Variants in IQCH observed in about 807,000 individuals in gnomAD.
The protein encoded by IQCH is IQ motif containing H.
Under a neutral mutation model 117.0 loss-of-function variants are expected in IQCH, and 98 were observed. That is an observed-to-expected ratio of 0.84 (90% CI 0.71 to 0.99). The LOEUF is 0.99. Ranked by LOEUF, IQCH falls within the 50% of genes least tolerant of loss-of-function variation. The probability of loss-of-function intolerance (pLI) is 0.00; values close to 1 mark genes in which losing one functional copy is unlikely to be tolerated. For missense variants in IQCH, 1,102 were observed against 1,243.8 expected (o/e 0.89, Z 1.72); for synonymous variants, 412 against 448.2 (o/e 0.92, Z 1.02).
In IQCH at chr15:67,391,169, GCA is replaced by G; in HGVS notation, c.1632+2166_1632+2167del. ...AGCCAGGAGACAGGCACTCACAGATGCACATAGTATAGGTTTACATCTTTGTG... is the reference window on the plus strand; with the variant it reads ...AGCCAGGAGACAGGCACTCACAGATGCATAGTATAGGTTTACATCTTTGTG... On this transcript the variant is annotated intron_variant, in intron 12 of 20. Transcript: ENST00000335894. This position sits in a 1 kb window ranked among gnomAD's most constrained non-coding sequence, Gnocchi z 4.3. 6.6e-6 allele frequency among the ~76,000 whole-genome samples: 1 copy of G among 152,286 alleles called. No homozygotes were observed. The highest frequency in any genetic ancestry group is 6.5e-5 in the Admixed American group (1 of 15,306).
chr15:67,314,089 G>A (rs938981771), intron 4 of IQCH, among the ~76,000 whole-genome samples: 8 of 151,964 alleles, frequency 5.3e-5, no homozygotes, highest in Non-Finnish European at 7.4e-5. Context: ...CCTCTCAGTC[G>A]CTCTTACTTT....
At chr15:67,269,755 CTTAT>C (rs1965824743) in intron 3 of IQCH, among the ~76,000 whole-genome samples, 2 of 149,968 alleles carry the variant, frequency 1.3e-5, no homozygotes, top group African/African-American at 4.9e-5. Context: ...TCTTTCTGTA[CTTAT>C]TTCACTCAAC....
At chr15:67,340,578 A>G (rs1969125806) in intron 5 of IQCH, among the ~76,000 whole-genome samples, 1 of 152,064 alleles carries the variant, frequency 6.6e-6, no homozygotes, top group South Asian at 2.1e-4. Flanking sequence ...AGAGAGCAGC[A>G]CTGAAACTAT....
chr15:67,281,182 T>A (rs1393106235), intron 4 of IQCH, among the ~76,000 whole-genome samples: 1 of 152,168 alleles, frequency 6.6e-6, no homozygotes, highest in Non-Finnish European at 1.5e-5. Context: ...TCCCACTAGA[T>A]TATAAGCTTA....
intron 15 of IQCH, among the ~76,000 whole-genome samples, chr15:67,418,069 C>T (rs1228440084): frequency 6.6e-6 from 1 of 152,086 alleles, no homozygotes; most frequent in Non-Finnish European, 1.5e-5. Flanking sequence ...ACCATTATCA[C>T]CCTCATTTTA....
At chr15:67,264,410 A>G (rs1347376909) in intron 3 of IQCH, among the ~76,000 whole-genome samples, 5 of 152,246 alleles carry the variant, frequency 3.3e-5, no homozygotes, top group Admixed American at 6.5e-5. Context: ...AGGCTGCAAT[A>G]TAAGTATTGA....
Position 67,422,985 on chromosome 15 carries a change from A to C in IQCH, c.2505+1408A>C, listed in dbSNP as rs561312059. Among the ~76,000 whole-genome samples the C allele has an allele frequency of 6.6e-6, 1 of 152,326 alleles. No homozygotes were observed. The highest frequency in any genetic ancestry group is 2.4e-5 in the African/African-American group (1 of 41,572). On this transcript the variant is annotated intron_variant, in intron 16 of 20. Coordinates refer to ENST00000335894, the MANE Select transcript of IQCH (RefSeq NM_001031715.3). The surrounding 1 kb of genome is among the most constrained non-coding windows in gnomAD (Gnocchi z 4.7). ...TTAGGATCATTATTCTCAGTTTTAC[A>C]GTTCTCCATTTCAGTCAGATGATGG...
rs896634130 is a variant in IQCH at position 67,500,967 on chromosome 15, G to A, written c.*221G>A. The stretch of plus-strand genomic sequence containing the variant: ...CTTATTTGTGTTTTCATTTGAGAGT[G>A]TTGAACAATCCCTTCTTCTTCTCAA... On this transcript the variant is annotated 3_prime_UTR_variant, in exon 21 of 21. Coordinates refer to ENST00000335894, the MANE Select transcript of IQCH (RefSeq NM_001031715.3). The surrounding 1 kb of genome is among the most constrained non-coding windows in gnomAD (Gnocchi z 4.4). 15 of 315,424 alleles carry A rather than the reference G, an allele frequency of 4.8e-5. No individual in the cohort carries two copies. Among genetic ancestry groups the A allele is most frequent in the African/African-American group, 3.0e-4 (14 of 46,342 alleles). 19.5% of individuals were successfully genotyped at this position (315,424 alleles called of 1,614,324 possible). A position where few individuals can be genotyped will look rare whatever the true frequency, so the allele number is the denominator to read the frequency against.
Position 67,453,827 on chromosome 15 carries a change from G to A in IQCH, c.2506-11300G>A, listed in dbSNP as rs186721837. Among the ~76,000 whole-genome samples the A allele has an allele frequency of 1.4e-3, 214 of 152,336 alleles. 1 individual carries two copies. Among genetic ancestry groups the A allele is most frequent in the African/African-American group, 4.8e-3 (201 of 41,582 alleles). ...TCTGTGCCCTGCCCCCAGAGGTGGC[G>A]CCTACAGAGGCAGGCAGGCCTCCTT... On this transcript the variant is annotated intron_variant, in intron 16 of 20. Transcript: ENST00000335894. This position sits in a 1 kb window ranked among gnomAD's most constrained non-coding sequence, Gnocchi z 5.8.
In IQCH at chr15:67,255,015, C is replaced by T. The variant is rs1043195261; in HGVS notation, c.51+68C>T. On this transcript the variant is annotated intron_variant, in intron 1 of 20. Transcript: ENST00000335894. Reference sequence around the variant, plus strand: ...CCACTTCCGAGCGAGGTCCCGCGCGCCGATTCACCGACGCTCACCCATTTG... The same window carrying T: ...CCACTTCCGAGCGAGGTCCCGCGCGTCGATTCACCGACGCTCACCCATTTG... The T allele has an allele frequency of 5.7e-5, 83 of 1,460,250 alleles. 3 individuals are homozygous for T. The South Asian group carries it at 9.1e-4, about 16-fold the overall frequency. 90.5% of individuals were successfully genotyped at this position (1,460,250 alleles called of 1,614,324 possible).
At chr15:67,313,320 A>G (rs547733866) in intron 4 of IQCH, among the ~76,000 whole-genome samples, 1 of 152,252 alleles carries the variant, frequency 6.6e-6, no homozygotes, top group Non-Finnish European at 1.5e-5. Context: ...CCAAGTTAAC[A>G]TAGGTATACC....
At chr15:67,363,280 G>C (rs1016625765) in intron 8 of IQCH, among the ~76,000 whole-genome samples, 1 of 145,178 alleles carries the variant, frequency 6.9e-6, no homozygotes, top group African/African-American at 2.6e-5. Context: ...CTCTCACCCA[G>C]GTGGGAGTGC....
chr15:67,416,519 A>C lies in IQCH; in HGVS notation c.2098-412A>C, dbSNP rs2081581511. Among the ~76,000 whole-genome samples, 1 of 148,688 alleles carries C rather than the reference A, an allele frequency of 6.7e-6. No homozygotes were observed. Among genetic ancestry groups the C allele is most frequent in the Non-Finnish European group, 1.5e-5 (1 of 67,122 alleles). On this transcript the variant is annotated intron_variant, in intron 14 of 20. Transcript: ENST00000335894. This position sits in a 1 kb window ranked among gnomAD's most constrained non-coding sequence, Gnocchi z 5.1. ...GCAACAAGAGCAAAACTGCGTCTCA[A>C]AAAAAAAAAGAAAAAACAAAAAACA...
At chr15:67,487,295 T>C (rs2083510664) in intron 18 of IQCH, among the ~76,000 whole-genome samples, 1 of 152,164 alleles carries the variant, frequency 6.6e-6, no homozygotes, top group South Asian at 2.1e-4. Context: ...ATCGTGCCAC[T>C]GCACTCCAGC....
In IQCH at chr15:67,372,404, A is replaced by T. The variant is rs1302788101; in HGVS notation, c.1047A>T (p.Pro349=). 6.2e-7 allele frequency: 1 copy of T among 1,614,174 alleles called. No homozygotes were observed. The highest frequency in any genetic ancestry group is 1.1e-5 in the South Asian group (1 of 91,080). ...ACCTTCTCTCAGTGTTAGAGGACCC[A>T]GCTCATGTCCAAATGCTGATAAATC... ...RYDLLSVLED[P]AHVQMLINLP... is the part of the protein sequence containing the mutation. The change falls in exon 9 of 21, where the codon CCA becomes CCT. Residue 349 remains proline (P), a synonymous_variant. Transcript: ENST00000335894.
In IQCH at chr15:67,366,900, A is replaced by G. The variant is rs532413356; in HGVS notation, c.754-5211A>G. On this transcript the variant is annotated intron_variant, in intron 8 of 20. Transcript: ENST00000335894. The surrounding 1 kb of genome is among the most constrained non-coding windows in gnomAD (Gnocchi z 4.4). ...TTTCTATCTGAAAAATAGAATACGA[A>G]AAAAATCCCCCAGGTTTTTTTCATG... is the stretch of plus-strand genomic sequence containing the variant. 6.6e-6 allele frequency among the ~76,000 whole-genome samples: 1 copy of G among 152,218 alleles called. No individual in the cohort carries two copies. Among genetic ancestry groups the G allele is most frequent in the Non-Finnish European group, 1.5e-5 (1 of 68,048 alleles).
chr15:67,269,138 T>C (rs933294780), intron 3 of IQCH, among the ~76,000 whole-genome samples: 3 of 152,066 alleles, frequency 2.0e-5, no homozygotes, highest in African/African-American at 7.2e-5. Flanking sequence ...CACTGGTAAC[T>C]GATGAAACAC....
At position 67,365,937 on chromosome 15, in the gene IQCH, A is replaced by G. The variant is rs1017556508; in HGVS notation, c.753+6052A>G. ...AGAGGAAGACTCTGTCTCAAAAACA[A>G]AAAAAGAATACATATGTAGGTATAG... is the stretch of plus-strand genomic sequence containing the variant. On this transcript the variant is annotated intron_variant, in intron 8 of 20. Coordinates refer to ENST00000335894, the MANE Select transcript of IQCH (RefSeq NM_001031715.3). The surrounding 1 kb of genome is among the most constrained non-coding windows in gnomAD (Gnocchi z 4.4). Among the ~76,000 whole-genome samples, 2 of 152,172 alleles carry G rather than the reference A, an allele frequency of 1.3e-5. No individual in the cohort carries two copies. The highest frequency in any genetic ancestry group is 2.9e-5 in the Non-Finnish European group (2 of 68,030).
At chr15:67,264,340 T>C (rs1965580783) in intron 3 of IQCH, among the ~76,000 whole-genome samples, 1 of 152,222 alleles carries the variant, frequency 6.6e-6, no homozygotes, top group Admixed American at 6.5e-5. Context: ...ACTTACAGTT[T>C]TTATGGGTCA....
Sources: gnomAD v4.1 joint callset for allele counts (sites outside exome capture counted in the v4.1 genomes callset) on GRCh38, gnomAD v4.1.1 for gene constraint, Gnocchi (gnomAD v3.1) non-coding constraint, MANE v1.5 for transcripts, NCBI Gene and HGNC (gene_info 2026-07-23, HGNC 2026-07-21) for gene names.